Variants in TASP1 observed in about 807,000 individuals in gnomAD.
The protein encoded by TASP1 is taspase 1.
Under a neutral mutation model 56.6 loss-of-function variants are expected in TASP1, and 16 were observed. That is an observed-to-expected ratio of 0.28 (90% CI 0.19 to 0.43). The LOEUF is 0.43. Ranked by LOEUF, TASP1 falls within the 20% of genes least tolerant of loss-of-function variation. The pLI is 1.00. For missense variants in TASP1, 393 were observed against 511.6 expected (o/e 0.77, Z 2.24); for synonymous variants, 179 against 184.2 (o/e 0.97, Z 0.23).
chr20:13,542,051 A>C (rs1312371295), intron 8 of TASP1, among the ~76,000 whole-genome samples: 1 of 151,900 alleles, frequency 6.6e-6, no homozygotes, highest in East Asian at 1.9e-4. Flanking sequence ...TCTCCAAAAA[A>C]AAAAAAAAAA....
At chr20:13,515,731 A>G (rs762943047) in intron 10 of TASP1, among the ~76,000 whole-genome samples, 17 of 152,016 alleles carry the variant, frequency 1.1e-4, no homozygotes, top group Non-Finnish European at 1.6e-4. Context: ...TGAAAGCAAA[A>G]CCCCGGAATT....
At chr20:13,463,684 G>A (rs1419660157) in intron 11 of TASP1, among the ~76,000 whole-genome samples, 1 of 151,946 alleles carries the variant, frequency 6.6e-6, no homozygotes, top group South Asian at 2.1e-4. Context: ...ATCAAAAAGT[G>A]GGCAAAGGAC....
chr20:13,604,868 T>TAAAA (rs2048089900), intron 4 of TASP1, among the ~76,000 whole-genome samples: 1 of 152,006 alleles, frequency 6.6e-6, no homozygotes. Flanking sequence ...GCAGTTTTCT[T>TAAAA]TAAAGTTAAC....
chr20:13,261,425 CAA>C, the TASP1 span, among the ~76,000 whole-genome samples: 18 of 105,134 alleles, frequency 1.7e-4, no homozygotes, highest in Admixed American at 4.8e-4. Flanking sequence ...AACTCTGTCT[CAA>C]AAAAAAAAAA....
intron 6 of TASP1, among the ~76,000 whole-genome samples, chr20:13,574,240 C>G (rs1191248713): frequency 6.6e-6 from 1 of 152,174 alleles, no homozygotes; most frequent in African/African-American, 2.4e-5. Context: ...TTGAAAGATT[C>G]TACCTCAATA....
intron 10 of TASP1, among the ~76,000 whole-genome samples, chr20:13,526,635 C>G (rs6033747): frequency 6.6e-6 from 1 of 152,098 alleles, no homozygotes; most frequent in African/African-American, 2.4e-5. Flanking sequence ...TAGACTTCTC[C>G]TGATAGGCCA....
the TASP1 span, among the ~76,000 whole-genome samples, chr20:13,128,417 C>T: frequency 1.3e-5 from 2 of 152,166 alleles, no homozygotes; most frequent in Non-Finnish European, 2.9e-5. Context: ...AATCAGTCAA[C>T]TCTCTACACA....
intron 10 of TASP1, among the ~76,000 whole-genome samples, chr20:13,521,381 C>T (rs1315759265): frequency 6.6e-6 from 1 of 151,978 alleles, no homozygotes; most frequent in Non-Finnish European, 1.5e-5. Context: ...ACCCAAATGT[C>T]CAACAATGAT....
chr20:13,630,778 T>TA (rs1003144285), intron 1 of TASP1, among the ~76,000 whole-genome samples: 5 of 131,826 alleles, frequency 3.8e-5, no homozygotes, highest in African/African-American at 5.6e-5. Context: ...TATTCCAAAA[T>TA]AAAAAAAAGC....
chr20:13,479,063 TGGAA>T (rs1165376361), intron 11 of TASP1, among the ~76,000 whole-genome samples: 1 of 151,918 alleles, frequency 6.6e-6, no homozygotes, highest in Non-Finnish European at 1.5e-5. Flanking sequence ...TTTAAAATGA[TGGAA>T]GAAAGAAAGA....
At chr20:13,431,914 C>T (rs1020306261) in intron 12 of TASP1, among the ~76,000 whole-genome samples, 1 of 152,224 alleles carries the variant, frequency 6.6e-6, no homozygotes. Flanking sequence ...TACAGATAGT[C>T]CCCGCCAGCA....
chr20:13,465,352 T>G (rs984365477), intron 11 of TASP1, among the ~76,000 whole-genome samples: 1 of 152,046 alleles, frequency 6.6e-6, no homozygotes, highest in South Asian at 2.1e-4. Context: ...CTAGCAAAGA[T>G]GTGGAGAAAC....
intron 2 of TASP1, among the ~76,000 whole-genome samples, chr20:13,628,081 G>C (rs879449516): frequency 6.6e-6 from 1 of 152,170 alleles, no homozygotes; most frequent in Non-Finnish European, 1.5e-5. Context: ...CCATTTGTTT[G>C]GAGTCAGTGT....
chr20:13,302,053 C>T, the TASP1 span, among the ~76,000 whole-genome samples: 8,432 of 152,014 alleles, frequency 0.055, 322 homozygotes, highest in Admixed American at 0.093. Context: ...TTCTGAAAAC[C>T]GGGAGTTTAA....
chr20:13,487,126 T>C (rs1378374120), intron 10 of TASP1, among the ~76,000 whole-genome samples: 1 of 152,218 alleles, frequency 6.6e-6, no homozygotes, highest in Non-Finnish European at 1.5e-5. Context: ...CTCCATATTC[T>C]TCCTGTCTGG....
At chr20:13,254,349 A>G in the TASP1 span, among the ~76,000 whole-genome samples, 1 of 152,164 alleles carries the variant, frequency 6.6e-6, no homozygotes, top group African/African-American at 2.4e-5. Flanking sequence ...GTATAAACAG[A>G]TGTATATACA....
intron 7 of TASP1, among the ~76,000 whole-genome samples, chr20:13,563,574 G>A (rs1407786493): frequency 6.6e-6 from 1 of 151,690 alleles, no homozygotes; most frequent in Non-Finnish European, 1.5e-5. Flanking sequence ...ATGACAAAGT[G>A]CAATTTATTC....
the TASP1 span, among the ~76,000 whole-genome samples, chr20:13,116,163 T>A: frequency 0.08 from 12,106 of 151,898 alleles, 803 homozygotes; most frequent in African/African-American, 0.18. Context: ...TCTGGGTGAC[T>A]GTGCACACAG....
the TASP1 span, among the ~76,000 whole-genome samples, chr20:13,183,543 A>T: frequency 1.3e-3 from 202 of 152,348 alleles, no homozygotes; most frequent in African/African-American, 4.6e-3. Flanking sequence ...TCTACTAAAA[A>T]CATATAATAT....
Sources: allele counts gnomAD v4.1 joint callset (sites outside exome capture counted in the v4.1 genomes callset), GRCh38; gene constraint gnomAD v4.1.1; transcripts MANE v1.5; gene names NCBI Gene and HGNC (gene_info 2026-07-23, HGNC 2026-07-21).